Variants in DCDC1 observed in about 807,000 individuals in gnomAD.
DCDC1 encodes the protein doublecortin domain containing 1, also known as doublecortin domain-containing protein 1.
DCDC1 carries 200 observed loss-of-function variants against 178.3 expected under a neutral mutation model. The ratio of observed to expected loss-of-function variants is 1.12; its 90% confidence interval spans 1.00 to 1.26. DCDC1 has a LOEUF of 1.26. Ranked by LOEUF, DCDC1 falls within the 50% of genes most tolerant of loss-of-function variation. The pLI is 0.00. For synonymous variants in DCDC1, 690 were observed against 604.8 expected (o/e 1.14, Z -2.07); for missense variants, 1,983 against 1,749.2 (o/e 1.13, Z -2.38).
intron 7 of DCDC1, among the ~76,000 whole-genome samples, chr11:31,289,048 A>G (rs1947035691): frequency 6.6e-6 from 1 of 152,024 alleles, no homozygotes; most frequent in African/African-American, 2.4e-5. Flanking sequence ...TACAAATCAT[A>G]AAAGAAAAAA....
At chr11:31,178,750 T>C (rs1968400797) in intron 9 of DCDC1, among the ~76,000 whole-genome samples, 1 of 152,192 alleles carries the variant, frequency 6.6e-6, no homozygotes, top group Non-Finnish European at 1.5e-5. Flanking sequence ...TGGAATGCAG[T>C]GGCGCGATCT....
At chr11:31,220,554 T>G (rs559490014) in intron 9 of DCDC1, among the ~76,000 whole-genome samples, 121 of 152,356 alleles carry the variant, frequency 7.9e-4, no homozygotes, top group African/African-American at 2.9e-3. Context: ...ATTTCTGATT[T>G]ATGTTTGTTT....
intron 20 of DCDC1, among the ~76,000 whole-genome samples, chr11:30,997,040 G>T (rs921700322): frequency 3.9e-5 from 6 of 152,098 alleles, no homozygotes; most frequent in African/African-American, 1.4e-4. Context: ...CAATATACAT[G>T]AATCTTAAAT....
At chr11:31,273,124 G>A (rs1945703786) in intron 7 of DCDC1, among the ~76,000 whole-genome samples, 2 of 152,188 alleles carry the variant, frequency 1.3e-5, no homozygotes, top group Admixed American at 6.5e-5. Context: ...GGGCATTGCT[G>A]TGAAGACTTC....
At chr11:30,913,537 C>T (rs1043066208) in intron 27 of DCDC1, among the ~76,000 whole-genome samples, 11 of 152,204 alleles carry the variant, frequency 7.2e-5, no homozygotes, top group Non-Finnish European at 1.5e-4. Context: ...TGGACTCTGA[C>T]GTTTCCAATG....
intron 20 of DCDC1, among the ~76,000 whole-genome samples, chr11:31,043,691 C>T (rs1345957524): frequency 6.6e-6 from 1 of 152,052 alleles, no homozygotes; most frequent in Non-Finnish European, 1.5e-5. Context: ...TTTTTCCTCC[C>T]TTCTGTCACC....
In DCDC1 at chr11:30,878,570, G is replaced by A. The variant is rs1281143193; in HGVS notation, c.*14C>T. On this transcript the variant is annotated 3_prime_UTR_variant, in exon 38 of 39. Coordinates refer to ENST00000684477, the MANE Select transcript of DCDC1 (RefSeq NM_001387274.1). ...AGAAAAATACAGCAGAAAATCCGAT[G>A]GTTCTGATAGGAGTTAATTGTGGAG... 1.3e-6 allele frequency: 2 copies of A among 1,580,188 alleles called. No homozygotes were observed. The highest frequency in any genetic ancestry group is 1.2e-5 in the South Asian group (1 of 85,634).
At chr11:31,028,845 A>T (rs1953431995) in intron 20 of DCDC1, among the ~76,000 whole-genome samples, 1 of 152,044 alleles carries the variant, frequency 6.6e-6, no homozygotes, top group African/African-American at 2.4e-5. Context: ...AAACTGTGGC[A>T]AACTAAAGGG....
At chr11:30,934,613 C>G (rs980742507) in intron 21 of DCDC1, among the ~76,000 whole-genome samples, 1 of 152,148 alleles carries the variant, frequency 6.6e-6, no homozygotes, top group Non-Finnish European at 1.5e-5. Context: ...CCGACCTCTG[C>G]AACGTGGGAA....
intron 27 of DCDC1, among the ~76,000 whole-genome samples, chr11:30,912,689 G>A (rs961389467): frequency 1.3e-5 from 2 of 152,168 alleles, no homozygotes; most frequent in Non-Finnish European, 2.9e-5. Context: ...GCAATTCAGT[G>A]GAATGGAACC....
At chr11:31,205,896 T>C (rs1369546768) in intron 9 of DCDC1, among the ~76,000 whole-genome samples, 1 of 152,218 alleles carries the variant, frequency 6.6e-6, no homozygotes, top group Admixed American at 6.5e-5. Flanking sequence ...TGCCCTATAA[T>C]TTATCTGGCA....
In DCDC1 at chr11:31,364,669, C is replaced by A. The variant is rs28639907; in HGVS notation, c.-125+5028G>T. On this transcript the variant is annotated intron_variant, in intron 1 of 38. Transcript: ENST00000684477. ...TGCTTAGTGTACTGCCTTGCACAAA[C>A]TCAACGAAAGTTCATCGATGATGAC... Among the ~76,000 whole-genome samples the A allele has an allele frequency of 5.5e-3, 839 of 152,258 alleles. 10 individuals carry two copies. The highest frequency in any genetic ancestry group is 0.019 in the African/African-American group (796 of 41,538).
At chr11:31,308,012 C>G in intron 3 of DCDC1, 104 bp from the exon 4 acceptor site, 2 of 1,432,894 alleles carry the variant, frequency 1.4e-6, no homozygotes, top group South Asian at 2.7e-5. Flanking sequence ...ACACAAAATA[C>G]TACACACTTA....
chr11:31,128,344 G>A (rs1371989262), intron 10 of DCDC1, among the ~76,000 whole-genome samples: 2 of 152,022 alleles, frequency 1.3e-5, no homozygotes, highest in Non-Finnish European at 2.9e-5. Context: ...CTTCTACTTG[G>A]TATATTTTAG....
chr11:31,153,498 A>T lies in DCDC1; in HGVS notation c.1222-15714T>A, dbSNP rs1355055636. Among the ~76,000 whole-genome samples the T allele has an allele frequency of 3.9e-5, 6 of 152,142 alleles. No homozygotes were observed. The South Asian group carries it at 6.2e-4, about 16-fold the overall frequency. ...AGAATATAAGGATAAAAAGTAGATT[A>T]CTGGCCAGTCGCAGTGGCTCACGCA... On this transcript the variant is annotated intron_variant, in intron 9 of 38. Transcript: ENST00000684477.
chr11:31,121,182 T>C (rs1163682609), intron 11 of DCDC1, among the ~76,000 whole-genome samples: 1 of 152,010 alleles, frequency 6.6e-6, no homozygotes, highest in African/African-American at 2.4e-5. Context: ...TATGACTTGA[T>C]GGCAGGAGAA....
chr11:31,315,452 T>A (rs923744170), intron 3 of DCDC1, among the ~76,000 whole-genome samples: 2 of 150,518 alleles, frequency 1.3e-5, no homozygotes, highest in African/African-American at 4.9e-5. Flanking sequence ...TCCTCCTGCC[T>A]CAGCCTCCCG....
intron 2 of DCDC1, among the ~76,000 whole-genome samples, chr11:31,332,454 C>A (rs1168742345): frequency 6.6e-6 from 1 of 152,112 alleles, no homozygotes; most frequent in Non-Finnish European, 1.5e-5. Context: ...TTCTCTAGTT[C>A]TTTTAATTGT....
intron 1 of DCDC1, among the ~76,000 whole-genome samples, chr11:31,340,011 G>C (rs1950462676): frequency 6.6e-6 from 1 of 152,024 alleles, no homozygotes; most frequent in Non-Finnish European, 1.5e-5. Flanking sequence ...GCATCAAAAA[G>C]TCTCTGTTTT....
Sources: gnomAD v4.1 joint callset for allele counts (sites outside exome capture counted in the v4.1 genomes callset) on GRCh38, gnomAD v4.1.1 for gene constraint, MANE v1.5 for transcripts, NCBI Gene and HGNC (gene_info 2026-07-23, HGNC 2026-07-21) for gene names.